VMP1: variants seen among roughly 807,000 people sequenced by gnomAD.
The protein encoded by VMP1 is ectopic P-granules autophagy protein 3 homolog.
Under a neutral mutation model 56.0 loss-of-function variants are expected in VMP1, and 11 were observed. The observed-to-expected ratio is 0.20, with a 90% CI of 0.12 to 0.32. VMP1 has a LOEUF of 0.32. Ranked by LOEUF, VMP1 falls within the 10% of genes least tolerant of loss-of-function variation. The pLI is 1.00. For missense variants in VMP1, 296 were observed against 490.3 expected, an observed-to-expected ratio of 0.60 and a Z score of 3.74; for synonymous variants, 149 against 165.0, an observed-to-expected ratio of 0.90 and a Z score of 0.74.
At chr17:59,725,012 C>T (rs2034548806) in intron 1 of VMP1, among the ~76,000 whole-genome samples, 1 of 150,350 alleles carries the variant, frequency 6.7e-6, no homozygotes, top group Non-Finnish European at 1.5e-5. Flanking sequence ...CAAAAATTAG[C>T]CAGGTGTGGT....
At chr17:59,748,633 A>G (rs1254705690) in intron 5 of VMP1, among the ~76,000 whole-genome samples, 4 of 152,192 alleles carry the variant, frequency 2.6e-5, no homozygotes, top group African/African-American at 9.7e-5. Flanking sequence ...GGTATTCAAT[A>G]AATGATTGCT....
chr17:59,819,431 C>G (rs986813020), intron 10 of VMP1, among the ~76,000 whole-genome samples: 3 of 152,150 alleles, frequency 2.0e-5, no homozygotes, highest in African/African-American at 7.2e-5. Context: ...GCATGAGCCA[C>G]CATGCCTGGC....
At chr17:59,712,482 A>G (rs1395269126) in intron 1 of VMP1, among the ~76,000 whole-genome samples, 1 of 152,222 alleles carries the variant, frequency 6.6e-6, no homozygotes, top group African/African-American at 2.4e-5. Context: ...GAATGGAAAG[A>G]TCATTTTCCA....
At chr17:59,724,057 C>T (rs184455117) in intron 1 of VMP1, among the ~76,000 whole-genome samples, 27 of 151,644 alleles carry the variant, frequency 1.8e-4, no homozygotes, top group Admixed American at 5.9e-4. Flanking sequence ...ACTAAAAATA[C>T]AAAAATTAGC....
At chr17:59,731,889 G>A (rs938579342) in intron 2 of VMP1, among the ~76,000 whole-genome samples, 3 of 152,086 alleles carry the variant, frequency 2.0e-5, no homozygotes, top group Non-Finnish European at 4.4e-5. Flanking sequence ...GTTAGAATGT[G>A]AATATTATTT....
At chr17:59,708,235 A>G (rs2033762562) in intron 1 of VMP1, among the ~76,000 whole-genome samples, 1 of 152,224 alleles carries the variant, frequency 6.6e-6, no homozygotes, top group Non-Finnish European at 1.5e-5. Flanking sequence ...CTGGTGGTAC[A>G]GGGTAGCCAA....
chr17:59,817,033 C>A (rs1311109330), intron 9 of VMP1, among the ~76,000 whole-genome samples: 3 of 150,384 alleles, frequency 2.0e-5, no homozygotes, highest in African/African-American at 7.3e-5. Context: ...CTTTGGGAGG[C>A]TGAGGCAGAT....
intron 10 of VMP1, among the ~76,000 whole-genome samples, chr17:59,820,718 A>G (rs1205244034): frequency 2.6e-5 from 4 of 152,252 alleles, no homozygotes; most frequent in Middle Eastern, 6.8e-3. Flanking sequence ...GATTGTGTCT[A>G]TTTTTGTTTA....
chr17:59,820,708 G>T (rs1308236668), intron 10 of VMP1, among the ~76,000 whole-genome samples: 1 of 152,200 alleles, frequency 6.6e-6, no homozygotes, highest in Admixed American at 6.5e-5. Context: ...CAAAGGCAAA[G>T]ATTGTGTCTA....
Position 59,735,451 on chromosome 17 carries a change from A to C in VMP1, c.190A>C (p.Ile64Leu), listed in dbSNP as rs1401772737. ...GTATTTTTCTCTGGAAATCCTTGTA[A>C]TCTTGAAGGAATGGACCTCAAAGTA... is the stretch of plus-strand genomic sequence containing the variant. The part of the protein sequence containing the change: ...LQYFSLEILV[I>L]LKEWTSKLWH... The change falls in exon 3 of 12, where the codon ATC (isoleucine) becomes CTC (leucine). Residue 64 changes from isoleucine to leucine, a missense_variant. By Grantham distance (5) the Ile-to-Leu change is conservative. Coordinates refer to ENST00000262291, the MANE Select transcript of VMP1 (RefSeq NM_030938.5). 1 of 1,613,980 alleles carries C rather than the reference A, an allele frequency of 6.2e-7. No homozygotes were observed. Among genetic ancestry groups the C allele is most frequent in the East Asian group, 2.2e-5 (1 of 44,874 alleles).
chr17:59,781,259 C>T (rs974856697), intron 7 of VMP1, among the ~76,000 whole-genome samples: 11 of 152,066 alleles, frequency 7.2e-5, no homozygotes, highest in African/African-American at 2.7e-4. Flanking sequence ...TACAGATCTG[C>T]ATATTTTTTA....
At chr17:59,758,866 G>C (rs1408157578) in intron 5 of VMP1, among the ~76,000 whole-genome samples, 2 of 151,914 alleles carry the variant, frequency 1.3e-5, no homozygotes, top group Non-Finnish European at 2.9e-5. Context: ...AGACTGAGGT[G>C]GGTAGATCAC....
At chr17:59,781,695 T>C (rs769710961) in intron 7 of VMP1, among the ~76,000 whole-genome samples, 4 of 152,198 alleles carry the variant, frequency 2.6e-5, no homozygotes, top group Non-Finnish European at 4.4e-5. Flanking sequence ...CGGGTTTTTT[T>C]CTTACTACAA....
At chr17:59,718,432 G>A (rs1165435110) in intron 1 of VMP1, among the ~76,000 whole-genome samples, 7 of 151,672 alleles carry the variant, frequency 4.6e-5, no homozygotes, top group East Asian at 1.9e-4. Context: ...TCCTGACCTC[G>A]TGATCTGCCC....
chr17:59,818,739 A>C (rs553241057), intron 10 of VMP1, among the ~76,000 whole-genome samples: 119 of 148,922 alleles, frequency 8.0e-4, no homozygotes, highest in South Asian at 3.0e-3. Context: ...ACTCCATCCC[A>C]AAAAAAAAAA....
chr17:59,796,273 T>C (rs1218476672), intron 7 of VMP1, among the ~76,000 whole-genome samples: 2 of 152,236 alleles, frequency 1.3e-5, no homozygotes, highest in Admixed American at 1.3e-4. Flanking sequence ...AAGCCTTTCC[T>C]GACTGTCCTA....
At chr17:59,745,611 A>G (rs2035394898) in intron 5 of VMP1, among the ~76,000 whole-genome samples, 1 of 152,166 alleles carries the variant, frequency 6.6e-6, no homozygotes, top group Admixed American at 6.5e-5. Context: ...ATATGTAGGA[A>G]ATGCAGTTGT....
intron 6 of VMP1, among the ~76,000 whole-genome samples, chr17:59,773,473 G>A (rs929279699): frequency 6.6e-6 from 1 of 151,506 alleles, no homozygotes; most frequent in Admixed American, 6.6e-5. Flanking sequence ...GGGCTCAGGT[G>A]ATCTTCCTGC....
intron 7 of VMP1, among the ~76,000 whole-genome samples, chr17:59,783,486 T>G (rs1160332528): frequency 2.6e-5 from 4 of 152,230 alleles, no homozygotes; most frequent in Non-Finnish European, 5.9e-5. Flanking sequence ...TCCTCTGACC[T>G]TGAGCAATTT....
Sources: gnomAD v4.1 joint callset for allele counts (sites outside exome capture counted in the v4.1 genomes callset) on GRCh38, gnomAD v4.1.1 for gene constraint, MANE v1.5 for transcripts, NCBI Gene and HGNC (gene_info 2026-07-23, HGNC 2026-07-21) for gene names.